CENPE: variants seen among roughly 807,000 people sequenced by gnomAD.
CENPE encodes centromere-associated protein E.
CENPE carries 145 observed loss-of-function variants against 336.1 expected under a neutral mutation model. The observed-to-expected ratio is 0.43, with a 90% CI of 0.38 to 0.50. The LOEUF (loss-of-function observed/expected upper bound fraction) is 0.50. Among genes scored for constraint, CENPE ranks in the 20% least tolerant of loss-of-function variants. The pLI, the probability that CENPE is intolerant of heterozygous loss-of-function variation, is 0.00. For missense variants in CENPE, 2,719 were observed against 3,023.3 expected (o/e 0.90, Z 2.36); for synonymous variants, 1,013 against 984.8 (o/e 1.03, Z -0.54).
chr4:103,119,611 T>C (rs1161279479), intron 44 of CENPE, among the ~76,000 whole-genome samples: 1 of 152,160 alleles, frequency 6.6e-6, no homozygotes, highest in Non-Finnish European at 1.5e-5. Context: ...ATATGCCAAT[T>C]TGGATCAGAC....
chr4:103,163,607 G>GAAAAA (rs1754648392), intron 16 of CENPE, 54 bp from the exon 17 acceptor site: 1 of 197,238 alleles, frequency 5.1e-6, no homozygotes, highest in African/African-American at 9.7e-5. Flanking sequence ...ATAAAGCAAA[G>GAAAAA]CAAAAAAAAA....
intron 16 of CENPE, among the ~76,000 whole-genome samples, chr4:103,166,116 C>T (rs923489853): frequency 3.9e-5 from 6 of 151,976 alleles, no homozygotes; most frequent in African/African-American, 9.7e-5. Flanking sequence ...TTATCCCAAA[C>T]GTTAGTTTTA....
At chr4:103,122,011 C>T (rs923965288) in intron 43 of CENPE, among the ~76,000 whole-genome samples, 1 of 152,208 alleles carries the variant, frequency 6.6e-6, no homozygotes, top group African/African-American at 2.4e-5. Context: ...ATGATAGTAG[C>T]ATGTATTTTA....
rs193072047 is a variant in CENPE at position 103,192,600 on chromosome 4, T to C, written c.693+1629A>G. 1.1e-4 allele frequency among the ~76,000 whole-genome samples: 16 copies of C among 152,088 alleles called. No homozygotes were observed. In the East Asian group the frequency reaches 1.9e-3, roughly 18 times the overall value. On this transcript the variant is annotated intron_variant, in intron 8 of 48. Coordinates refer to ENST00000265148, the MANE Select transcript of CENPE (RefSeq NM_001813.3). Reference sequence around the variant, plus strand: ...GTTTAAAGGTAGGATCAGTAAGAAATGGGACAAGTGGACAAAGAGAAAGGC... The same window carrying C: ...GTTTAAAGGTAGGATCAGTAAGAAACGGGACAAGTGGACAAAGAGAAAGGC...
chr4:103,130,911 GAA>G (rs59305096), intron 42 of CENPE, among the ~76,000 whole-genome samples: 5 of 106,826 alleles, frequency 4.7e-5, no homozygotes, highest in Non-Finnish European at 1.0e-4. Context: ...TTCTACAAGC[GAA>G]AAAAAAAAAA....
chr4:103,123,485 G>C (rs1750826646), intron 42 of CENPE, among the ~76,000 whole-genome samples: 1 of 152,104 alleles, frequency 6.6e-6, no homozygotes, highest in Admixed American at 6.6e-5. Flanking sequence ...CCGTGAAGCT[G>C]TCAAGTGCTT....
rs555738979 is a variant in CENPE at position 103,160,767 on chromosome 4, T to C, written c.2144A>G (p.Asn715Ser). The change falls in exon 21 of 49, where the codon AAT becomes AGT. Residue 715 changes from asparagine to serine, a missense_variant. Asn to Ser is a conservative substitution (Grantham distance 46). This residue lies in a region of CENPE where 2,437 missense variants were observed against 2,513.3 expected (regional missense o/e 0.97). Transcript: ENST00000265148. ...DGKVPKDLLC[N>S]LELEGKITDL... ...AGTAATCTTTCCTTCCAATTCCAAA[T>C]TACAGAGCAAATCTAGAAAGTTTTG... 1 of 1,593,940 alleles carries C rather than the reference T, an allele frequency of 6.3e-7. No homozygotes were observed. The highest frequency in any genetic ancestry group is 1.4e-5 in the African/African-American group (1 of 73,628).
At chr4:103,164,120 T>A (rs1324244870) in intron 16 of CENPE, among the ~76,000 whole-genome samples, 1 of 152,128 alleles carries the variant, frequency 6.6e-6, no homozygotes, top group Non-Finnish European at 1.5e-5. Context: ...TATGGAATGA[T>A]CAACTATGAC....
chr4:103,106,799 G>T (rs1324207518), intron 48 of CENPE, among the ~76,000 whole-genome samples: 1 of 151,804 alleles, frequency 6.6e-6, no homozygotes, highest in African/African-American at 2.4e-5. Context: ...TACCATAACT[G>T]GTCTTGGCAA....
intron 34 of CENPE, 93 bp downstream of exon 34, chr4:103,143,155 G>A (rs1752712314): frequency 2.5e-6 from 2 of 812,638 alleles, no homozygotes; most frequent in Non-Finnish European, 3.8e-6. Context: ...GTCTTCACTT[G>A]CCTTCAATTT....
chr4:103,173,095 T>C (rs562620832), intron 16 of CENPE, among the ~76,000 whole-genome samples: 1 of 152,066 alleles, frequency 6.6e-6, no homozygotes, highest in African/African-American at 2.4e-5. Context: ...CATCATACCA[T>C]CTGCCTCCAA....
chr4:103,166,340 G>A (rs72665080), intron 16 of CENPE, among the ~76,000 whole-genome samples: 7,267 of 152,208 alleles, frequency 0.048, 244 homozygotes, highest in Middle Eastern at 0.099. Flanking sequence ...CTTAAATCCA[G>A]GCAATTTCAC....
rs542312583 is a variant in CENPE at position 103,189,588 on chromosome 4, A to G, written c.694-3727T>C. Among the ~76,000 whole-genome samples the G allele has an allele frequency of 3.3e-5, 5 of 152,348 alleles. No homozygotes were observed. In the East Asian group the frequency reaches 7.7e-4, roughly 23 times the overall value. ...CAGAAAAGGCCTTTAACAAAATTCA[A>G]CAACACTTCATGCTAAAAACTCTCA... On this transcript the variant is annotated intron_variant, in intron 8 of 48. Coordinates refer to ENST00000265148, the MANE Select transcript of CENPE (RefSeq NM_001813.3).
chr4:103,150,258 A>T (rs1753426476), intron 26 of CENPE, among the ~76,000 whole-genome samples: 1 of 152,148 alleles, frequency 6.6e-6, no homozygotes, highest in Non-Finnish European at 1.5e-5. Context: ...AGATAGTGAA[A>T]GGGATCAGAA....
At chr4:103,150,803 A>G (rs142679908) in intron 26 of CENPE, among the ~76,000 whole-genome samples, 7 of 152,322 alleles carry the variant, frequency 4.6e-5, no homozygotes, top group Admixed American at 2.0e-4. Context: ...GAAATGATTC[A>G]GGAAACTGCA....
At chr4:103,125,316 A>G (rs1001772036) in intron 42 of CENPE, among the ~76,000 whole-genome samples, 7 of 152,236 alleles carry the variant, frequency 4.6e-5, no homozygotes, top group African/African-American at 1.7e-4. Flanking sequence ...TAATATAAAT[A>G]AGCAATCTTT....
intron 11 of CENPE, 53 bp downstream of exon 11, chr4:103,182,709 C>A: frequency 2.1e-6 from 3 of 1,446,876 alleles, no homozygotes; most frequent in Non-Finnish European, 1.9e-6. Flanking sequence ...GTAATGTTTT[C>A]TTCTTCAAGC....
chr4:103,135,036 A>G (rs184120414), intron 40 of CENPE, among the ~76,000 whole-genome samples: 7 of 152,326 alleles, frequency 4.6e-5, no homozygotes, highest in African/African-American at 1.7e-4. Context: ...TGATTTGGGT[A>G]GCAGTACTTT....
intron 13 of CENPE, among the ~76,000 whole-genome samples, chr4:103,177,481 G>T (rs1193839387): frequency 6.6e-6 from 1 of 151,578 alleles, no homozygotes; most frequent in East Asian, 2.0e-4. Context: ...GACTCTCTCG[G>T]CAACCCTAGG....
Sources: allele counts gnomAD v4.1 joint callset (sites outside exome capture counted in the v4.1 genomes callset), GRCh38; gene constraint gnomAD v4.1.1; regional missense constraint gnomAD v4.1.1; transcripts MANE v1.5; gene names NCBI Gene and HGNC (gene_info 2026-07-23, HGNC 2026-07-21).